TSPAN18: variants seen among roughly 807,000 people sequenced by gnomAD.
The protein encoded by TSPAN18 is tetraspanin 18.
A neutral mutation model predicts 27.3 loss-of-function variants in TSPAN18; 14 were observed. That is an observed-to-expected ratio of 0.51 (90% CI 0.34 to 0.80). The LOEUF (loss-of-function observed/expected upper bound fraction) is 0.80. Among genes scored for constraint, TSPAN18 ranks in the 30% least tolerant of loss-of-function variants. The pLI is 0.01. For synonymous variants in TSPAN18, 143 were observed against 136.5 expected, an observed-to-expected ratio of 1.05 and a Z score of -0.33; for missense variants, 268 against 323.9, an observed-to-expected ratio of 0.83 and a Z score of 1.32.
rs566178880 is a variant in TSPAN18 at position 44,923,902 on chromosome 11, G to A, written c.616-2772G>A. Among the ~76,000 whole-genome samples the A allele has an allele frequency of 3.3e-5, 5 of 152,268 alleles. No individual in the cohort carries two copies. The South Asian group carries it at 8.3e-4, about 25-fold the overall frequency. On this transcript the variant is annotated intron_variant, in intron 8 of 9. Transcript: ENST00000520358. Reference sequence around the variant, plus strand: ...CCTGGGCTGCTTGGTTGAGTCCAGGGGCCTGAAGGGTCTTTGGTGCCAAAG... The same window carrying A: ...CCTGGGCTGCTTGGTTGAGTCCAGGAGCCTGAAGGGTCTTTGGTGCCAAAG...
chr11:44,753,435 G>A (rs911774896), intron 1 of TSPAN18, among the ~76,000 whole-genome samples: 16 of 152,128 alleles, frequency 1.1e-4, no homozygotes, highest in East Asian at 3.9e-4. Flanking sequence ...CTCAGCCAGC[G>A]CATCCATTTT....
At chr11:44,754,585 A>G (rs1855288994) in intron 1 of TSPAN18, among the ~76,000 whole-genome samples, 1 of 152,210 alleles carries the variant, frequency 6.6e-6, no homozygotes, top group African/African-American at 2.4e-5. Context: ...AAACAGCCCA[A>G]TGACCCAAGA....
At chr11:44,836,650 A>T (rs1262493075) in intron 2 of TSPAN18, among the ~76,000 whole-genome samples, 1 of 152,196 alleles carries the variant, frequency 6.6e-6, no homozygotes, top group Non-Finnish European at 1.5e-5. Flanking sequence ...TCATAGCTAG[A>T]GAGAAGTCAA....
At chr11:44,754,621 G>A (rs986780915) in intron 1 of TSPAN18, among the ~76,000 whole-genome samples, 2 of 152,226 alleles carry the variant, frequency 1.3e-5, no homozygotes, top group Non-Finnish European at 2.9e-5. Flanking sequence ...GTATCCTTGA[G>A]AGGATTAATA....
At chr11:44,765,852 T>G (rs1424728494) in intron 2 of TSPAN18, among the ~76,000 whole-genome samples, 1 of 152,254 alleles carries the variant, frequency 6.6e-6, no homozygotes, top group Admixed American at 6.5e-5. Context: ...TTTTAAATTT[T>G]GGGCATCTCA....
intron 2 of TSPAN18, among the ~76,000 whole-genome samples, chr11:44,776,902 G>A (rs891743045): frequency 6.6e-6 from 1 of 152,206 alleles, no homozygotes; most frequent in East Asian, 1.9e-4. Context: ...AAGGGATTGG[G>A]TTTGGGACCC....
In TSPAN18 at chr11:44,930,949, C is replaced by T. The variant is rs1478375878; in HGVS notation, c.*1771C>T. ...TCAGGCTTTCCAGTCACCAGGGACACTCGGAGCCACAGCCTAGAGCCCCGT... is the reference window on the plus strand; with the variant it reads ...TCAGGCTTTCCAGTCACCAGGGACATTCGGAGCCACAGCCTAGAGCCCCGT... On this transcript the variant is annotated 3_prime_UTR_variant, in exon 10 of 10. Transcript: ENST00000520358. 2.0e-6 allele frequency: 1 copy of T among 510,582 alleles called. No homozygotes were observed. The highest frequency in any genetic ancestry group is 4.0e-6 in the Non-Finnish European group (1 of 248,972). The allele number at this position is 510,582 out of a possible 1,614,324, so 31.6% of individuals were successfully genotyped here. A position where few individuals can be genotyped will look rare whatever the true frequency, so the allele number is the denominator to read the frequency against.
intron 2 of TSPAN18, among the ~76,000 whole-genome samples, chr11:44,820,991 C>A (rs994943166): frequency 6.6e-6 from 1 of 152,158 alleles, no homozygotes; most frequent in Non-Finnish European, 1.5e-5. Flanking sequence ...GCCAAGTAAA[C>A]CTCTTTTTTA....
chr11:44,929,084 G>A (rs780160950), intron 9 of TSPAN18, 47 bp from the exon 10 acceptor site: 2 of 1,611,666 alleles, frequency 1.2e-6, no homozygotes, highest in Non-Finnish European at 1.7e-6. Context: ...AGCCCACAAA[G>A]GGCCCAGCCT....
chr11:44,798,376 G>A (rs545263813), intron 2 of TSPAN18, among the ~76,000 whole-genome samples: 1 of 29,012 alleles, frequency 3.4e-5, no homozygotes, highest in Non-Finnish European at 1.6e-4. Flanking sequence ...AGGGAAAGAC[G>A]GGGAAAGCAA....
chr11:44,878,444 A>G (rs1858400382), intron 3 of TSPAN18, among the ~76,000 whole-genome samples: 1 of 152,120 alleles, frequency 6.6e-6, no homozygotes, highest in African/African-American at 2.4e-5. Context: ...CCTTTGGAAC[A>G]AGCAGGAGGA....
chr11:44,766,408 T>C (rs1855567772), intron 2 of TSPAN18, among the ~76,000 whole-genome samples: 1 of 152,196 alleles, frequency 6.6e-6, no homozygotes, highest in Non-Finnish European at 1.5e-5. Context: ...GCAGCTGCCC[T>C]GATCCCCACA....
At chr11:44,886,202 C>A (rs835772) in intron 3 of TSPAN18, 19,913 of 152,270 alleles carry the variant, frequency 0.13, 1,474 homozygotes, top group East Asian at 0.17. Flanking sequence ...CTCCTTCATG[C>A]TGCACACGAG....
At chr11:44,794,681 A>G (rs1856306542) in intron 2 of TSPAN18, among the ~76,000 whole-genome samples, 2 of 152,038 alleles carry the variant, frequency 1.3e-5, no homozygotes, top group Admixed American at 1.3e-4. Flanking sequence ...AAAAAAAAAA[A>G]AGGGAGAACT....
At chr11:44,879,129 G>A (rs781446822) in intron 3 of TSPAN18, among the ~76,000 whole-genome samples, 60 of 152,240 alleles carry the variant, frequency 3.9e-4, no homozygotes, top group Non-Finnish European at 7.2e-4. Context: ...ACTGAGCCCC[G>A]CAAATGATAT....
intron 2 of TSPAN18, among the ~76,000 whole-genome samples, chr11:44,832,687 A>C (rs905927805): frequency 2.0e-5 from 3 of 152,102 alleles, no homozygotes; most frequent in African/African-American, 7.2e-5. Context: ...CGGGCTTCCG[A>C]AGCTGACCTT....
chr11:44,931,135 T>G lies in TSPAN18; in HGVS notation c.*1957T>G. The G allele has an allele frequency of 2.8e-6, 1 of 355,554 alleles. No individual in the cohort carries two copies. Among genetic ancestry groups the G allele is most frequent in the South Asian group, 2.1e-5 (1 of 48,240 alleles). 22.0% of individuals were successfully genotyped at this position (355,554 alleles called of 1,614,324 possible). A position where few individuals can be genotyped will look rare whatever the true frequency, so the allele number is the denominator to read the frequency against. On this transcript the variant is annotated 3_prime_UTR_variant, in exon 10 of 10. Transcript: ENST00000520358. ...AGCTCAGTGTTACCAAATTCGCCCT[T>G]TAACAGCTTGCTCTGGCAACCCCAT...
chr11:44,792,939 A>G (rs1434996608), intron 2 of TSPAN18, among the ~76,000 whole-genome samples: 1 of 152,164 alleles, frequency 6.6e-6, no homozygotes, highest in Non-Finnish European at 1.5e-5. Flanking sequence ...AGCTCCTGCA[A>G]GGCGTCTCGT....
rs76874407 is a variant in TSPAN18 at position 44,737,790 on chromosome 11, G to T, written c.-240+10503G>T. On this transcript the variant is annotated intron_variant, in intron 1 of 9. Coordinates refer to ENST00000520358, the MANE Select transcript of TSPAN18 (RefSeq NM_130783.5). ...CATCTGCCGCTTGTTTTCTTCTCTC[G>T]CCCCTACCTTCATGAATGAATCTTT... Among the ~76,000 whole-genome samples the T allele has an allele frequency of 2.0e-5, 3 of 151,928 alleles. No individual in the cohort carries two copies. In the East Asian group the frequency reaches 5.8e-4, roughly 30 times the overall value.
Sources: gnomAD v4.1 joint callset for allele counts (sites outside exome capture counted in the v4.1 genomes callset) on GRCh38, gnomAD v4.1.1 for gene constraint, MANE v1.5 for transcripts, NCBI Gene and HGNC (gene_info 2026-07-23, HGNC 2026-07-21) for gene names.